PHLPP1: variants seen among roughly 807,000 people sequenced by gnomAD.
PHLPP1 encodes PH domain and leucine rich repeat protein phosphatase 1.
In PHLPP1, 42 loss-of-function variants were observed where a neutral mutation model predicts 117.2. That is an observed-to-expected ratio of 0.36 (90% CI 0.28 to 0.46). PHLPP1 has a LOEUF of 0.46. Ranked by LOEUF, PHLPP1 falls within the 20% of genes least tolerant of loss-of-function variation. The pLI, the probability that PHLPP1 is intolerant of heterozygous loss-of-function variation, is 1.00. For synonymous variants in PHLPP1, 1,042 were observed against 970.7 expected (o/e 1.07, Z -1.37); for missense variants, 2,084 against 2,241.9 (o/e 0.93, Z 1.42).
Position 62,979,060 on chromosome 18 carries a change from AT to A in PHLPP1, c.4785del (p.Ile1595MetfsTer42). 1 of 1,613,780 alleles carries A rather than the reference AT, an allele frequency of 6.2e-7. No homozygotes were observed. Among genetic ancestry groups the A allele is most frequent in the Non-Finnish European group, 8.5e-7 (1 of 1,179,762 alleles). On this transcript the variant is annotated frameshift_variant, in exon 17 of 17. Transcript: ENST00000262719. LOFTEE classifies it low-confidence loss of function (END_TRUNC). The stretch of plus-strand genomic sequence containing the variant: ...GCCAGCAGAGGCCAGTGATGAGGGC[AT>A]TGTCATCAGCGCCAACGAGGATGAG... ...QVPAEASDEG[I>X]VISANEDEPG...
At position 62,871,336 on chromosome 18, in the gene PHLPP1, G is replaced by GT. The variant is rs201084129; in HGVS notation, c.2066+10743dup. On this transcript the variant is annotated intron_variant, in intron 4 of 16. Transcript: ENST00000262719. ...TCTGTTTATTTTTGTTTTTGTTTTTGTTTTTTTTGAGATGGAATTTCACTC... is the reference window on the plus strand; with the variant it reads ...TCTGTTTATTTTTGTTTTTGTTTTTGTTTTTTTTTGAGATGGAATTTCACTC... 7.7e-3 allele frequency among the ~76,000 whole-genome samples: 1,166 copies of GT among 151,462 alleles called. 7 individuals are homozygous for GT. The highest frequency in any genetic ancestry group is 0.012 in the Non-Finnish European group (801 of 67,798).
intron 12 of PHLPP1, among the ~76,000 whole-genome samples, chr18:62,946,199 T>G (rs1048881049): frequency 6.6e-6 from 1 of 152,224 alleles, no homozygotes; most frequent in Non-Finnish European, 1.5e-5. Context: ...GATATAAACC[T>G]TGTGTTTTAG....
At chr18:62,758,491 C>A (rs1300029258) in intron 1 of PHLPP1, among the ~76,000 whole-genome samples, 1 of 152,088 alleles carries the variant, frequency 6.6e-6, no homozygotes, top group Non-Finnish European at 1.5e-5. Flanking sequence ...ACCTTTATTT[C>A]TTTGTGCATC....
chr18:62,729,013 T>C (rs1358513268), intron 1 of PHLPP1, among the ~76,000 whole-genome samples: 15 of 152,200 alleles, frequency 9.9e-5, no homozygotes, highest in African/African-American at 3.6e-4. Context: ...CTGCGACCAG[T>C]GTTCTAATCG....
At chr18:62,923,821 G>A (rs764480539) in intron 10 of PHLPP1, among the ~76,000 whole-genome samples, 15 of 152,056 alleles carry the variant, frequency 9.9e-5, no homozygotes, top group Non-Finnish European at 1.8e-4. Context: ...AGGCCAACCC[G>A]GAAAACATGA....
rs971859328 is a variant in PHLPP1 at position 62,746,597 on chromosome 18, T to C, written c.1576+29338T>C. Among the ~76,000 whole-genome samples the C allele has an allele frequency of 3.3e-5, 5 of 152,196 alleles. 1 individual carries two copies. The highest frequency in any genetic ancestry group is 1.3e-4 in the Admixed American group (2 of 15,286). ...AATGTATTATAGGCCATTTCAAGCC[T>C]GAAGACAAGAGTAATATAAAGAACA... is the stretch of plus-strand genomic sequence containing the variant. On this transcript the variant is annotated intron_variant, in intron 1 of 16. Coordinates refer to ENST00000262719, the MANE Select transcript of PHLPP1 (RefSeq NM_194449.4).
intron 4 of PHLPP1, among the ~76,000 whole-genome samples, chr18:62,864,081 G>T (rs1189337781): frequency 6.6e-6 from 1 of 151,934 alleles, no homozygotes; most frequent in Non-Finnish European, 1.5e-5. Context: ...GAGTGCAGTG[G>T]CACAGTCTCG....
intron 4 of PHLPP1, among the ~76,000 whole-genome samples, chr18:62,866,393 C>T (rs1047742058): frequency 1.3e-5 from 2 of 151,716 alleles, no homozygotes; most frequent in Admixed American, 6.6e-5. Context: ...TACAGGCACC[C>T]GCCACCATGC....
chr18:62,869,910 C>T (rs1466020395), intron 4 of PHLPP1, among the ~76,000 whole-genome samples: 1 of 152,126 alleles, frequency 6.6e-6, no homozygotes, highest in African/African-American at 2.4e-5. Context: ...TATTTTAAGA[C>T]GGGCTCTTGC....
rs540100716 is a variant in PHLPP1, at chr18:62,760,949, C to T, written c.1576+43690C>T. On this transcript the variant is annotated intron_variant, in intron 1 of 16. Transcript: ENST00000262719. The stretch of plus-strand genomic sequence containing the variant: ...GTCATGGCTCACTGCCATCTCGACT[C>T]TCTGAGCTCAGGTGATCCTCCTGCC... Among the ~76,000 whole-genome samples, 11 of 152,246 alleles carry T rather than the reference C, an allele frequency of 7.2e-5. No homozygotes were observed. In the South Asian group the frequency reaches 2.3e-3, roughly 32 times the overall value.
At chr18:62,802,327 A>T (rs1368735373) in intron 1 of PHLPP1, among the ~76,000 whole-genome samples, 2 of 152,196 alleles carry the variant, frequency 1.3e-5, no homozygotes, top group East Asian at 3.9e-4. Flanking sequence ...AAGGTTCCCA[A>T]GTCTTTTTGG....
At chr18:62,724,812 AG>A (rs1171741348) in intron 1 of PHLPP1, among the ~76,000 whole-genome samples, 1 of 152,212 alleles carries the variant, frequency 6.6e-6, no homozygotes, top group Non-Finnish European at 1.5e-5. Context: ...CTGATGGAAC[AG>A]GTGGGTATTT....
At chr18:62,807,576 G>A (rs1913986317) in intron 1 of PHLPP1, among the ~76,000 whole-genome samples, 1 of 152,090 alleles carries the variant, frequency 6.6e-6, no homozygotes, top group Admixed American at 6.5e-5. Flanking sequence ...TTGTGTGAAC[G>A]TCATGGAGTG....
chr18:62,974,409 G>C (rs989306557), intron 15 of PHLPP1, among the ~76,000 whole-genome samples: 1 of 152,148 alleles, frequency 6.6e-6, no homozygotes, highest in Non-Finnish European at 1.5e-5. Flanking sequence ...GGTTTCCATT[G>C]CTCTTCTTGC....
intron 4 of PHLPP1, among the ~76,000 whole-genome samples, chr18:62,887,207 G>A (rs1916307051): frequency 6.6e-6 from 1 of 152,160 alleles, no homozygotes; most frequent in Non-Finnish European, 1.5e-5. Flanking sequence ...GAGGAGAGAT[G>A]AAAAGTAGTA....
At chr18:62,915,725 A>G (rs1392990919) in intron 9 of PHLPP1, among the ~76,000 whole-genome samples, 1 of 152,204 alleles carries the variant, frequency 6.6e-6, no homozygotes, top group Non-Finnish European at 1.5e-5. Flanking sequence ...TGTCCTGTAG[A>G]ACTTTCTGTG....
chr18:62,856,959 AT>A (rs1427864076), intron 3 of PHLPP1, among the ~76,000 whole-genome samples: 1 of 151,802 alleles, frequency 6.6e-6, no homozygotes, highest in Non-Finnish European at 1.5e-5. Flanking sequence ...GTGCTTACCA[AT>A]TTTTTTAACA....
rs1449725777 is a variant in PHLPP1 at position 62,791,513 on chromosome 18, T to C, written c.1577-38522T>C. Among the ~76,000 whole-genome samples, 4 of 152,238 alleles carry C rather than the reference T, an allele frequency of 2.6e-5. No homozygotes were observed. The East Asian group carries it at 7.7e-4, about 29-fold the overall frequency. On this transcript the variant is annotated intron_variant, in intron 1 of 16. Transcript: ENST00000262719. ...TTTCTTGCTTCTGCAGAGGGATGCTTTGCTTCTGACTTTATTCAAGCTACA... is the reference window on the plus strand; with the variant it reads ...TTTCTTGCTTCTGCAGAGGGATGCTCTGCTTCTGACTTTATTCAAGCTACA...
intron 1 of PHLPP1, among the ~76,000 whole-genome samples, chr18:62,798,505 C>T (rs1273656669): frequency 1.3e-5 from 2 of 152,118 alleles, no homozygotes; most frequent in Non-Finnish European, 1.5e-5. Flanking sequence ...CAGAAGTGCC[C>T]TACTTTTGTT....
Sources: allele counts gnomAD v4.1 joint callset (sites outside exome capture counted in the v4.1 genomes callset), GRCh38; gene constraint gnomAD v4.1.1; transcripts MANE v1.5; gene names NCBI Gene and HGNC (gene_info 2026-07-23, HGNC 2026-07-21).